The following TASP1 variants were observed in gnomAD, a reference collection of about 807,000 sequenced individuals.
TASP1 encodes taspase 1.
TASP1 carries 16 observed loss-of-function variants against 56.6 expected under a neutral mutation model. That is an observed-to-expected ratio of 0.28 (90% CI 0.19 to 0.43). The LOEUF (loss-of-function observed/expected upper bound fraction) is 0.43, where lower values mean the gene tolerates loss of function less well. TASP1 is among the 20% of genes least tolerant of loss of function. TASP1 has a pLI of 1.00. For missense variants in TASP1, 393 were observed against 511.6 expected, an observed-to-expected ratio of 0.77 and a Z score of 2.24; for synonymous variants, 179 against 184.2, an observed-to-expected ratio of 0.97 and a Z score of 0.23.
intron 4 of TASP1, among the ~76,000 whole-genome samples, chr20:13,617,992 C>A (rs1400596731): frequency 1.3e-5 from 2 of 151,988 alleles, no homozygotes; most frequent in Non-Finnish European, 2.9e-5. Flanking sequence ...AAGTATAGAG[C>A]CCAGGGAAGA....
chr20:13,153,307 G>A, the TASP1 span, among the ~76,000 whole-genome samples: 8,609 of 152,194 alleles, frequency 0.057, 283 homozygotes, highest in African/African-American at 0.087. Context: ...CAGGCTATAA[G>A]AGCTGAAGCA....
chr20:13,151,367 C>A, the TASP1 span, among the ~76,000 whole-genome samples: 12 of 152,108 alleles, frequency 7.9e-5, no homozygotes, highest in Admixed American at 7.9e-4. Context: ...TTGCTAACAC[C>A]CAAGTGGACT....
chr20:13,198,778 T>C, the TASP1 span, among the ~76,000 whole-genome samples: 1 of 151,880 alleles, frequency 6.6e-6, no homozygotes, highest in East Asian at 1.9e-4. Context: ...TCTTTTCTTT[T>C]TCTTTCTTTC....
chr20:13,415,444 C>T (rs796586158), intron 13 of TASP1, among the ~76,000 whole-genome samples: 96 of 132,972 alleles, frequency 7.2e-4, no homozygotes, highest in Admixed American at 9.1e-4. Context: ...TTGGGGTTTT[C>T]TTTTTTTTTT....
chr20:13,598,627 A>G (rs1439656489), intron 4 of TASP1, among the ~76,000 whole-genome samples: 2 of 152,316 alleles, frequency 1.3e-5, no homozygotes, highest in South Asian at 2.1e-4. Context: ...GCAGGGGCAA[A>G]GACTTCATAA....
At chr20:13,506,779 A>T (rs896698074) in intron 10 of TASP1, among the ~76,000 whole-genome samples, 1 of 152,204 alleles carries the variant, frequency 6.6e-6, no homozygotes, top group African/African-American at 2.4e-5. Context: ...AATGGTCAAA[A>T]GTTGAAAGCT....
At chr20:13,252,968 C>T in the TASP1 span, among the ~76,000 whole-genome samples, 1 of 152,178 alleles carries the variant, frequency 6.6e-6, no homozygotes. Flanking sequence ...TCTGCCAGAC[C>T]TCTGAGCTAG....
chr20:13,205,052 G>A, the TASP1 span, among the ~76,000 whole-genome samples: 1 of 152,128 alleles, frequency 6.6e-6, no homozygotes, highest in South Asian at 2.1e-4. Flanking sequence ...TGCATTTTCT[G>A]GAAAGGTCTG....
chr20:13,113,427 T>G, the TASP1 span, among the ~76,000 whole-genome samples: 1 of 152,034 alleles, frequency 6.6e-6, no homozygotes, highest in Non-Finnish European at 1.5e-5. Context: ...TACATCAATT[T>G]TTTCATAACC....
chr20:13,166,281 G>T, the TASP1 span: 1 of 152,602 alleles, frequency 6.6e-6, no homozygotes, highest in Non-Finnish European at 1.5e-5. Context: ...AACTCCACCC[G>T]CAGCGCCTGC....
At chr20:13,587,044 T>G (rs1367380602) in intron 5 of TASP1, among the ~76,000 whole-genome samples, 10 of 152,142 alleles carry the variant, frequency 6.6e-5, no homozygotes. Flanking sequence ...CTTTAATCTC[T>G]TCAAGGGATA....
the TASP1 span, among the ~76,000 whole-genome samples, chr20:13,215,874 AG>A: frequency 6.6e-6 from 1 of 152,204 alleles, no homozygotes; most frequent in African/African-American, 2.4e-5. Flanking sequence ...AGCTGCTTTC[AG>A]GGGTGGAGAC....
At chr20:13,507,850 CA>C (rs2044187255) in intron 10 of TASP1, among the ~76,000 whole-genome samples, 1 of 152,068 alleles carries the variant, frequency 6.6e-6, no homozygotes, top group Admixed American at 6.6e-5. Flanking sequence ...CTATAGTAAC[CA>C]AAATAGTGTG....
At chr20:13,337,506 G>A in the TASP1 span, among the ~76,000 whole-genome samples, 56 of 152,218 alleles carry the variant, frequency 3.7e-4, no homozygotes, top group African/African-American at 1.3e-3. Flanking sequence ...CCCTTTACAT[G>A]GGGATTTGTA....
the TASP1 span, among the ~76,000 whole-genome samples, chr20:13,178,193 A>G: frequency 6.6e-6 from 1 of 152,190 alleles, no homozygotes; most frequent in African/African-American, 2.4e-5. Context: ...GCAAATAAAA[A>G]CCACAGTGAG....
chr20:13,490,724 A>G (rs1218812910), intron 10 of TASP1, among the ~76,000 whole-genome samples: 2 of 151,224 alleles, frequency 1.3e-5, no homozygotes, highest in Non-Finnish European at 1.5e-5. Flanking sequence ...CTTAAGGCCT[A>G]TAGGGTAAGG....
At chr20:13,529,099 C>T (rs951072423) in intron 9 of TASP1, among the ~76,000 whole-genome samples, 2 of 151,998 alleles carry the variant, frequency 1.3e-5, no homozygotes, top group Non-Finnish European at 2.9e-5. Context: ...AGTTCTGTAC[C>T]AAAGGGCCCA....
At chr20:13,110,087 T>A in the TASP1 span, 2 of 889,956 alleles carry the variant, frequency 2.2e-6, no homozygotes, top group Non-Finnish European at 3.0e-6. Flanking sequence ...CATGACTCAA[T>A]TTTTTTTTTT....
chr20:13,314,686 AAGG>A, the TASP1 span, among the ~76,000 whole-genome samples: 1 of 152,160 alleles, frequency 6.6e-6, no homozygotes, highest in East Asian at 1.9e-4. Context: ...CTTCATAAAA[AAGG>A]AGGAGAATCA....
Sources: allele counts gnomAD v4.1 joint callset (sites outside exome capture counted in the v4.1 genomes callset), GRCh38; gene constraint gnomAD v4.1.1; transcripts MANE v1.5; gene names NCBI Gene and HGNC (gene_info 2026-07-23, HGNC 2026-07-21).